CELF1: variants seen among roughly 807,000 people sequenced by gnomAD.
CELF1 encodes the protein 50 kDa nuclear polyadenylated RNA-binding protein.
Under a neutral mutation model 61.8 loss-of-function variants are expected in CELF1, and 10 were observed. That is an observed-to-expected ratio of 0.16 (90% CI 0.10 to 0.27). CELF1 has a LOEUF of 0.27. Ranked by LOEUF, CELF1 falls within the 10% of genes least tolerant of loss-of-function variation. The pLI is 1.00. For missense variants in CELF1, 380 were observed against 639.1 expected, an observed-to-expected ratio of 0.59 and a Z score of 4.37; for synonymous variants, 236 against 225.1, an observed-to-expected ratio of 1.05 and a Z score of -0.43.
upstream of CELF1, among the ~76,000 whole-genome samples, chr11:47,555,604 G>T (rs935023800): frequency 2.0e-5 from 3 of 152,120 alleles, no homozygotes; most frequent in African/African-American, 7.2e-5. Context: ...TAGACAAAAT[G>T]CTAAACAGTC....
intron 1 of CELF1, among the ~76,000 whole-genome samples, chr11:47,505,415 C>T (rs902609429): frequency 6.6e-6 from 1 of 151,028 alleles, no homozygotes; most frequent in African/African-American, 2.4e-5. Flanking sequence ...GGGCAGATCA[C>T]GAGGTCAGAT....
intron 1 of CELF1, among the ~76,000 whole-genome samples, chr11:47,538,494 T>C (rs1015950411): frequency 6.6e-6 from 1 of 151,884 alleles, no homozygotes; most frequent in Admixed American, 6.6e-5. Flanking sequence ...ATACAAAAAA[T>C]TAGCCAGGCA....
In CELF1 at chr11:47,477,421, C is replaced by A; in HGVS notation, c.849G>T (p.Leu283Phe). 1.9e-6 allele frequency: 3 copies of A among 1,613,468 alleles called. No homozygotes were observed. Among genetic ancestry groups the A allele is most frequent in the Non-Finnish European group, 2.5e-6 (3 of 1,179,786 alleles). Reference sequence around the variant, plus strand: ...CCAAATTCTGTAACTGCATTGCATTCAACCCTACAACATCCAAAGCAAGAG... The same window carrying A: ...CCAAATTCTGTAACTGCATTGCATTAAACCCTACAACATCCAAAGCAAGAG... ...TLSSLHPMGG[L>F]NAMQLQNLAA... is the part of the protein sequence containing the mutation. The change falls in exon 11 of 15, where the codon TTG becomes TTT. Residue 283 changes from leucine to phenylalanine, a missense_variant. Physicochemically the swap from Leu to Phe is conservative, Grantham distance 22. Coordinates refer to ENST00000687097, the MANE Select transcript of CELF1 (RefSeq NM_001376376.1).
chr11:47,518,791 A>G (rs2095694962), intron 1 of CELF1, among the ~76,000 whole-genome samples: 1 of 152,006 alleles, frequency 6.6e-6, no homozygotes, highest in African/African-American at 2.4e-5. Context: ...ACAACATACA[A>G]CAGTCTTTCC....
chr11:47,547,090 A>AAAAG (rs1565910600), intron 1 of CELF1, among the ~76,000 whole-genome samples: 17 of 145,632 alleles, frequency 1.2e-4, no homozygotes, highest in East Asian at 2.0e-4. Context: ...AAAAAAAAAA[A>AAAAG]AAAGAAAGAA....
At chr11:47,541,580 C>T (rs1245223142) in intron 1 of CELF1, among the ~76,000 whole-genome samples, 1 of 151,110 alleles carries the variant, frequency 6.6e-6, no homozygotes, top group Non-Finnish European at 1.5e-5. Flanking sequence ...ATCCCAGCAA[C>T]TTGGGAGGCT....
chr11:47,520,825 ACC>A (rs1323965238), intron 1 of CELF1, among the ~76,000 whole-genome samples: 1 of 151,924 alleles, frequency 6.6e-6, no homozygotes, highest in African/African-American at 2.4e-5. Flanking sequence ...CTCCCCCCCG[ACC>A]CAAAAAAGGC....
rs1485002206 is a variant in CELF1, at chr11:47,472,119, G to C, written c.*111C>G. ...AAGCTGTGCCTGCGAGAGTGGCAGG[G>C]ATCAGGGTCCAGGGCTGTCAACACA... is the stretch of plus-strand genomic sequence containing the variant. On this transcript the variant is annotated 3_prime_UTR_variant, in exon 15 of 15. Transcript: ENST00000687097. 2.3e-6 allele frequency: 3 copies of C among 1,303,660 alleles called. No individual in the cohort carries two copies. Among genetic ancestry groups the C allele is most frequent in the Non-Finnish European group, 3.2e-6 (3 of 933,904 alleles). The allele number at this position is 1,303,660 out of a possible 1,614,324, so 80.8% of individuals were successfully genotyped here.
At chr11:47,473,048 A>T (rs771622316) in intron 14 of CELF1, 40 bp downstream of exon 14, 17 of 1,600,612 alleles carry the variant, frequency 1.1e-5, no homozygotes, top group Middle Eastern at 1.7e-4. Context: ...CAGTGGTAAA[A>T]TACTAATCCC....
rs1489929898 is a variant in CELF1 at position 47,512,129 on chromosome 11, G to A, written c.-153-11197C>T. Among the ~76,000 whole-genome samples the A allele has an allele frequency of 3.3e-5, 5 of 151,780 alleles. No individual in the cohort carries two copies. The East Asian group carries it at 5.8e-4, about 18-fold the overall frequency. The stretch of plus-strand genomic sequence containing the variant: ...CCTCCCAGAGTAAGCTAGGATTACA[G>A]GAGTGAGCCACTGTGCCCGGTTTTT... On this transcript the variant is annotated intron_variant, in intron 1 of 14. Transcript: ENST00000687097.
At chr11:47,534,531 C>A (rs142816639) in intron 1 of CELF1, among the ~76,000 whole-genome samples, 3,545 of 151,836 alleles carry the variant, frequency 0.023, 70 homozygotes, top group Non-Finnish European at 0.035. Flanking sequence ...CCGAGACCAT[C>A]CTGGCTAACA....
intron 6 of CELF1, 105 bp downstream of exon 6, chr11:47,486,645 C>T (rs1290375300): frequency 2.3e-6 from 2 of 873,476 alleles, no homozygotes; most frequent in East Asian, 2.4e-5. Context: ...CGGCCTCAAG[C>T]AATCCATCTG....
chr11:47,553,594 CCT>C (rs1198817086), upstream of CELF1, among the ~76,000 whole-genome samples: 1 of 152,150 alleles, frequency 6.6e-6, no homozygotes, highest in African/African-American at 2.4e-5. Context: ...ATGGCACGCC[CCT>C]TTTTGCCCCA....
At chr11:47,475,668 G>C in intron 12 of CELF1, 147 bp from the exon 13 acceptor site, 1 of 752,658 alleles carries the variant, frequency 1.3e-6, no homozygotes, top group Non-Finnish European at 2.1e-6. Context: ...GAAACTATCT[G>C]ACTGGCTAGA....
intron 14 of CELF1, among the ~76,000 whole-genome samples, chr11:47,472,765 G>A (rs914186278): frequency 2.0e-5 from 3 of 152,048 alleles, no homozygotes; most frequent in African/African-American, 4.8e-5. Flanking sequence ...GGCTGGTCTC[G>A]AACTCCTAGG....
chr11:47,502,558 C>T (rs116526178), intron 1 of CELF1, among the ~76,000 whole-genome samples: 1 of 152,026 alleles, frequency 6.6e-6, no homozygotes, highest in African/African-American at 2.4e-5. Flanking sequence ...TTAGTCCGGA[C>T]ACGGTGGCTC....
chr11:47,507,420 A>T (rs1430317874), intron 1 of CELF1, among the ~76,000 whole-genome samples: 2 of 152,112 alleles, frequency 1.3e-5, no homozygotes, highest in Non-Finnish European at 2.9e-5. Context: ...GCCACTGTAA[A>T]TGCATCTTGG....
At chr11:47,554,395 T>G (rs2097197183), upstream of CELF1, among the ~76,000 whole-genome samples, 1 of 152,192 alleles carries the variant, frequency 6.6e-6, no homozygotes, top group South Asian at 2.1e-4. Flanking sequence ...GTCACAAATA[T>G]TACCATATAT....
At chr11:47,501,171 C>G (rs2093844934) in intron 1 of CELF1, among the ~76,000 whole-genome samples, 1 of 152,180 alleles carries the variant, frequency 6.6e-6, no homozygotes, top group African/African-American at 2.4e-5. Context: ...CTATTTTTGC[C>G]AGAGACTCGC....
Sources: gnomAD v4.1 joint callset for allele counts (sites outside exome capture counted in the v4.1 genomes callset) on GRCh38, gnomAD v4.1.1 for gene constraint, MANE v1.5 for transcripts, NCBI Gene and HGNC (gene_info 2026-07-23, HGNC 2026-07-21) for gene names.